The following LRRC28 variants were observed in gnomAD, a reference collection of about 807,000 sequenced individuals.
The protein encoded by LRRC28 is leucine-rich repeat-containing protein 28.
LRRC28 carries 39 observed loss-of-function variants against 45.7 expected under a neutral mutation model. The observed-to-expected ratio is 0.85, with a 90% CI of 0.66 to 1.12. LRRC28 has a LOEUF of 1.12. LRRC28 is among the 50% of genes most tolerant of loss of function. LRRC28 has a pLI of 0.00. For missense variants in LRRC28, 435 were observed against 438.5 expected (o/e 0.99, Z 0.07); for synonymous variants, 206 against 178.8 (o/e 1.15, Z -1.22).
At chr15:99,344,859 G>A (rs1956629859) in intron 6 of LRRC28, among the ~76,000 whole-genome samples, 1 of 152,162 alleles carries the variant, frequency 6.6e-6, no homozygotes. Flanking sequence ...TTGAGGGGAT[G>A]AATCATTGTC....
At chr15:99,335,592 G>C (rs140804408) in intron 6 of LRRC28, among the ~76,000 whole-genome samples, 59 of 152,218 alleles carry the variant, frequency 3.9e-4, no homozygotes, top group African/African-American at 1.3e-3. Context: ...AGGAGTTTAA[G>C]GATGCAGTGA....
In LRRC28 at chr15:99,375,480, A is replaced by G. The variant is rs1957601721; in HGVS notation, c.1032-10550A>G. The stretch of plus-strand genomic sequence containing the variant: ...CTGGATTCAGGATAATAATGGCCTT[A>G]TTAAATGAGTTAGGAAGTGTTCTTC... On this transcript the variant is annotated intron_variant, in intron 9 of 9. Coordinates refer to ENST00000301981, the MANE Select transcript of LRRC28 (RefSeq NM_144598.5). 2.0e-5 allele frequency among the ~76,000 whole-genome samples: 3 copies of G among 152,302 alleles called. No individual in the cohort carries two copies. The South Asian group carries it at 6.2e-4, about 32-fold the overall frequency.
At chr15:99,274,538 A>G (rs539100302) in intron 2 of LRRC28, among the ~76,000 whole-genome samples, 1 of 152,354 alleles carries the variant, frequency 6.6e-6, no homozygotes, top group African/African-American at 2.4e-5. Flanking sequence ...TGATTAATCA[A>G]TTGTATAACA....
intron 5 of LRRC28, chr15:99,332,085 G>A (rs1286819889): frequency 6.6e-6 from 1 of 152,100 alleles, no homozygotes; most frequent in Non-Finnish European, 1.5e-5. Context: ...TTTAAATTTA[G>A]TTCTTTTTCT....
intron 5 of LRRC28, among the ~76,000 whole-genome samples, chr15:99,288,603 A>C (rs1304246120): frequency 1.3e-5 from 2 of 151,816 alleles, no homozygotes; most frequent in Non-Finnish European, 2.9e-5. Context: ...GGTGGTTTCA[A>C]TCTCCTGACC....
intron 5 of LRRC28, among the ~76,000 whole-genome samples, chr15:99,299,569 C>T (rs2082346554): frequency 6.6e-6 from 1 of 152,078 alleles, no homozygotes; most frequent in East Asian, 1.9e-4. Flanking sequence ...TGTGTTTCAA[C>T]TTGTTAAAGG....
At chr15:99,264,795 C>G (rs2081290400) in intron 2 of LRRC28, among the ~76,000 whole-genome samples, 1 of 151,990 alleles carries the variant, frequency 6.6e-6, no homozygotes, top group Non-Finnish European at 1.5e-5. Flanking sequence ...AGAGTAAATG[C>G]TGATAGGAAA....
chr15:99,281,027 T>C (rs1371873012), intron 3 of LRRC28, among the ~76,000 whole-genome samples: 2 of 150,358 alleles, frequency 1.3e-5, no homozygotes, highest in Non-Finnish European at 3.0e-5. Context: ...CTTTGGTTAC[T>C]GTATTTTTTT....
chr15:99,370,996 G>A (rs898589673), intron 9 of LRRC28, among the ~76,000 whole-genome samples: 4 of 152,148 alleles, frequency 2.6e-5, no homozygotes, highest in African/African-American at 9.7e-5. Context: ...TGTAATCCCA[G>A]CTACTGGGAG....
At chr15:99,365,416 G>A (rs1957313149) in intron 9 of LRRC28, among the ~76,000 whole-genome samples, 1 of 152,234 alleles carries the variant, frequency 6.6e-6, no homozygotes, top group Non-Finnish European at 1.5e-5. Context: ...GTTAATGGTA[G>A]GGTCTGAAAT....
intron 5 of LRRC28, among the ~76,000 whole-genome samples, chr15:99,323,389 A>G (rs1955866148): frequency 1.3e-5 from 2 of 152,104 alleles, no homozygotes; most frequent in Non-Finnish European, 2.9e-5. Context: ...ATGATTTTAG[A>G]CTATATCTAG....
intron 2 of LRRC28, chr15:99,258,947 A>G: frequency 1.4e-6 from 1 of 736,498 alleles, no homozygotes; most frequent in Non-Finnish European, 2.6e-6. Flanking sequence ...TCTGTCTTTG[A>G]ATGTTTCCTG....
intron 3 of LRRC28, among the ~76,000 whole-genome samples, chr15:99,279,324 C>A (rs1383106747): frequency 6.6e-6 from 1 of 152,100 alleles, no homozygotes; most frequent in Non-Finnish European, 1.5e-5. Context: ...TGAGTGGTTT[C>A]CACATTTTGA....
intron 6 of LRRC28, among the ~76,000 whole-genome samples, chr15:99,350,713 G>A (rs1956851297): frequency 6.6e-6 from 1 of 152,190 alleles, no homozygotes; most frequent in Non-Finnish European, 1.5e-5. Flanking sequence ...AGATGAGGAG[G>A]AGGAGCTCTC....
At chr15:99,285,585 G>C (rs56388360) in intron 3 of LRRC28, 11 of 729,092 alleles carry the variant, frequency 1.5e-5, no homozygotes, top group East Asian at 9.9e-5. Flanking sequence ...TTGACGGCAG[G>C]GGGAGGAGAG....
chr15:99,273,112 TG>T (rs1310802811), intron 2 of LRRC28, among the ~76,000 whole-genome samples: 3 of 152,214 alleles, frequency 2.0e-5, no homozygotes, highest in Admixed American at 6.5e-5. Flanking sequence ...GCTAAAAATA[TG>T]GCATTAGAAA....
chr15:99,262,687 A>G (rs1177327144), intron 2 of LRRC28, among the ~76,000 whole-genome samples: 1 of 151,362 alleles, frequency 6.6e-6, no homozygotes, highest in Non-Finnish European at 1.5e-5. Flanking sequence ...TGTGTTGCCC[A>G]GGTTGGAGTA....
In LRRC28 at chr15:99,302,103, T is replaced by C. The variant is rs187801074; in HGVS notation, c.385+14152T>C. Among the ~76,000 whole-genome samples the C allele has an allele frequency of 7.4e-3, 1,125 of 151,742 alleles. 11 individuals carry two copies. The highest frequency in any genetic ancestry group is 0.026 in the African/African-American group (1,094 of 41,340). ...GTGCAGAGGCGCGATCTCAGCTCAC[T>C]GCAAGCTCCACCTCCCGGGTTCACA... On this transcript the variant is annotated intron_variant, in intron 5 of 9. Transcript: ENST00000301981.
At chr15:99,276,732 C>G (rs1192781494) in intron 3 of LRRC28, 116 bp downstream of exon 3, 6 of 721,550 alleles carry the variant, frequency 8.3e-6, no homozygotes, top group Non-Finnish European at 1.3e-5. Context: ...GTATCATGAT[C>G]ATGGTACTCA....
Sources: allele counts gnomAD v4.1 joint callset (sites outside exome capture counted in the v4.1 genomes callset), GRCh38; gene constraint gnomAD v4.1.1; transcripts MANE v1.5; gene names NCBI Gene and HGNC (gene_info 2026-07-23, HGNC 2026-07-21).